The following THADA variants were observed in gnomAD, a reference collection of about 807,000 sequenced individuals.
The protein encoded by THADA is THADA armadillo repeat containing.
In THADA, 213 loss-of-function variants were observed where a neutral mutation model predicts 219.8. The observed-to-expected ratio is 0.97, with a 90% CI of 0.87 to 1.09. The LOEUF (loss-of-function observed/expected upper bound fraction) is 1.09, where lower values mean the gene tolerates loss of function less well. Ranked by LOEUF, THADA falls within the 50% of genes least tolerant of loss-of-function variation. The pLI is 0.00. For missense variants in THADA, 2,956 were observed against 2,311.3 expected, an observed-to-expected ratio of 1.28 and a Z score of -5.72; for synonymous variants, 1,018 against 828.9, an observed-to-expected ratio of 1.23 and a Z score of -3.92.
At chr2:43,480,819 G>T (rs76734241) in intron 26 of THADA, among the ~76,000 whole-genome samples, 2 of 147,126 alleles carry the variant, frequency 1.4e-5, no homozygotes, top group African/African-American at 5.1e-5. Context: ...CTCTGTCTTG[G>T]GGGGGAAAAA....
chr2:43,258,298 G>A (rs1670551137), intron 36 of THADA, among the ~76,000 whole-genome samples: 1 of 152,168 alleles, frequency 6.6e-6, no homozygotes, highest in South Asian at 2.1e-4. Flanking sequence ...TGAGGTGGGC[G>A]GATCACCTGA....
In THADA at chr2:43,586,542, G is replaced by A. The variant is rs1035191251; in HGVS notation, c.485-93C>T. 6.0e-6 allele frequency: 8 copies of A among 1,337,178 alleles called. No individual in the cohort carries two copies. In the East Asian group the frequency reaches 1.3e-4, roughly 21 times the overall value. 82.8% of individuals were successfully genotyped at this position (1,337,178 alleles called of 1,614,324 possible). A position where few individuals can be genotyped will look rare whatever the true frequency, so the allele number is the denominator to read the frequency against. ...ATTTTATATCACTGTTATCCAAAAT[G>A]ATATCATGATATGGAAACAAAAATT... On this transcript the variant is annotated intron_variant, in intron 6 of 37. Transcript: ENST00000405975.
chr2:43,298,606 T>TAAAA (rs368669954), intron 31 of THADA, among the ~76,000 whole-genome samples: 1 of 146,698 alleles, frequency 6.8e-6, no homozygotes, highest in Non-Finnish European at 1.5e-5. Flanking sequence ...AAAAAAAAAT[T>TAAAA]AAAAAAAAAA....
Position 43,581,859 on chromosome 2 carries a change from T to G in THADA, c.603A>C (p.Ser201=), listed in dbSNP as rs375472635. 2 of 1,611,698 alleles carry G rather than the reference T, an allele frequency of 1.2e-6. No individual in the cohort carries two copies. The highest frequency in any genetic ancestry group is 1.1e-5 in the South Asian group (1 of 90,538). Residue 201 remains serine (S), a synonymous_variant, in exon 8 of 38, where the codon TCA becomes TCC. Coordinates refer to ENST00000405975, the MANE Select transcript of THADA (RefSeq NM_022065.5). ...MNDLLVGIRV[S]MMLVQKVQDF... ...CTTGTACTTTCTGTACTAACATCAT[T>G]GAAACTCTAATGCCTACCAGTAAGT...
chr2:43,288,813 T>C (rs1319501063), intron 34 of THADA, among the ~76,000 whole-genome samples: 1 of 152,236 alleles, frequency 6.6e-6, no homozygotes, highest in Admixed American at 6.5e-5. Flanking sequence ...TTACATACCA[T>C]AGAATTCACT....
intron 28 of THADA, among the ~76,000 whole-genome samples, chr2:43,404,092 T>C (rs888580631): frequency 2.0e-5 from 3 of 152,238 alleles, no homozygotes; most frequent in African/African-American, 7.2e-5. Flanking sequence ...CACATTTCAG[T>C]TCATTCTCAC....
At chr2:43,543,374 CT>C (rs1355371676) in intron 20 of THADA, among the ~76,000 whole-genome samples, 3 of 150,450 alleles carry the variant, frequency 2.0e-5, no homozygotes, top group Non-Finnish European at 4.4e-5. Flanking sequence ...ATTTATAGTC[CT>C]TTGGGTATAT....
chr2:43,459,044 T>C (rs975987938), intron 26 of THADA, among the ~76,000 whole-genome samples: 6 of 152,250 alleles, frequency 3.9e-5, no homozygotes, highest in Middle Eastern at 3.4e-3. Context: ...AACAAACAGA[T>C]CTCTCAGTCT....
chr2:43,434,529 G>A (rs753406547), intron 26 of THADA, among the ~76,000 whole-genome samples: 2 of 152,168 alleles, frequency 1.3e-5, no homozygotes, highest in Non-Finnish European at 2.9e-5. Context: ...TGGATGACAA[G>A]AGGGGCACAT....
intron 26 of THADA, among the ~76,000 whole-genome samples, chr2:43,478,551 T>C (rs1278397625): frequency 1.3e-5 from 2 of 152,166 alleles, no homozygotes; most frequent in Non-Finnish European, 1.5e-5. Flanking sequence ...AAATGTAAGC[T>C]ACAAAAATAC....
chr2:43,269,295 G>C (rs952265960), intron 36 of THADA, among the ~76,000 whole-genome samples: 1 of 152,224 alleles, frequency 6.6e-6, no homozygotes, highest in African/African-American at 2.4e-5. Context: ...AGCAGCAAGA[G>C]TCAGGGCAAA....
chr2:43,355,915 T>A (rs12468730), intron 29 of THADA, among the ~76,000 whole-genome samples: 2,005 of 152,246 alleles, frequency 0.013, 20 homozygotes, highest in Non-Finnish European at 0.021. Context: ...AAAATTTCTA[T>A]AATATAAAAA....
chr2:43,295,019 G>A (rs531995824), intron 31 of THADA, among the ~76,000 whole-genome samples: 38 of 152,262 alleles, frequency 2.5e-4, no homozygotes, highest in African/African-American at 8.9e-4. Flanking sequence ...AACATTTTGG[G>A]AGCCCAAGGT....
chr2:43,357,120 C>A (rs1668952543), intron 29 of THADA, among the ~76,000 whole-genome samples: 1 of 152,146 alleles, frequency 6.6e-6, no homozygotes, highest in African/African-American at 2.4e-5. Flanking sequence ...TTGGGAACTG[C>A]AAGTATTTAG....
At chr2:43,350,959 C>G (rs556010820) in intron 29 of THADA, among the ~76,000 whole-genome samples, 6 of 152,176 alleles carry the variant, frequency 3.9e-5, no homozygotes, top group Admixed American at 6.5e-5. Flanking sequence ...AGGAAACAGG[C>G]CGTGAATATC....
chr2:43,359,626 G>C (rs1363079574), intron 29 of THADA, among the ~76,000 whole-genome samples: 1 of 152,202 alleles, frequency 6.6e-6, no homozygotes, highest in Non-Finnish European at 1.5e-5. Flanking sequence ...GTTGCAGTGA[G>C]CGAAGATTGC....
At chr2:43,306,151 C>T (rs113657736) in intron 31 of THADA, among the ~76,000 whole-genome samples, 1 of 152,118 alleles carries the variant, frequency 6.6e-6, no homozygotes, top group Non-Finnish European at 1.5e-5. Context: ...GCTGTGACTA[C>T]AGGCACGAGC....
At position 43,232,829 on chromosome 2, in the gene THADA, C is replaced by A. The variant is rs201032063; in HGVS notation, c.5350G>T (p.Val1784Phe). The change falls in exon 37 of 38, where the codon GTC becomes TTC. Residue 1784 changes from valine to phenylalanine, a missense_variant. Transcript: ENST00000405975. ...ASIALALALA[V>F]LCDLLQQWDQ... Reference sequence around the variant, plus strand: ...CACTGCTGGAGCAGATCACACAGGACGGCCAGGGCCAGGGCCAGAGCGATG... The same window carrying A: ...CACTGCTGGAGCAGATCACACAGGAAGGCCAGGGCCAGGGCCAGAGCGATG... 1 of 1,612,734 alleles carries A rather than the reference C, an allele frequency of 6.2e-7. No homozygotes were observed. The highest frequency in any genetic ancestry group is 8.5e-7 in the Non-Finnish European group (1 of 1,179,488).
chr2:43,251,057 G>A (rs1669758254), intron 36 of THADA, among the ~76,000 whole-genome samples: 1 of 152,204 alleles, frequency 6.6e-6, no homozygotes, highest in East Asian at 1.9e-4. Flanking sequence ...CAAGAAGACT[G>A]GAAAGGTTGC....
Sources: gnomAD v4.1 joint callset for allele counts (sites outside exome capture counted in the v4.1 genomes callset) on GRCh38, gnomAD v4.1.1 for gene constraint, MANE v1.5 for transcripts, NCBI Gene and HGNC (gene_info 2026-07-23, HGNC 2026-07-21) for gene names.